Variants in ANO2 observed in about 807,000 individuals in gnomAD.
ANO2 encodes anoctamin 2.
ANO2 carries 101 observed loss-of-function variants against 124.2 expected under a neutral mutation model. The observed-to-expected ratio is 0.81, with a 90% CI of 0.69 to 0.96. The LOEUF (loss-of-function observed/expected upper bound fraction) is 0.96. ANO2 is among the 40% of genes least tolerant of loss of function. ANO2 has a pLI of 0.00. For synonymous variants in ANO2, 486 were observed against 482.5 expected (o/e 1.01, Z -0.09); for missense variants, 1,293 against 1,274.5 (o/e 1.01, Z -0.22).
At chr12:5,852,625 GT>G (rs985161844) in intron 4 of ANO2, among the ~76,000 whole-genome samples, 5 of 152,108 alleles carry the variant, frequency 3.3e-5, no homozygotes, top group Admixed American at 6.5e-5. Flanking sequence ...TGAAAATGGT[GT>G]TGGCCAACAA....
chr12:5,682,942 C>A (rs1221131803), intron 14 of ANO2, among the ~76,000 whole-genome samples: 1 of 152,168 alleles, frequency 6.6e-6, no homozygotes, highest in Non-Finnish European at 1.5e-5. Context: ...TTTCCACACT[C>A]AAGAGAAAGC....
At chr12:5,895,907 G>A (rs984518551) in intron 3 of ANO2, among the ~76,000 whole-genome samples, 6 of 152,016 alleles carry the variant, frequency 3.9e-5, no homozygotes, top group Admixed American at 3.3e-4. Flanking sequence ...ACCAATGAGC[G>A]AATAAAGAAA....
intron 10 of ANO2, among the ~76,000 whole-genome samples, chr12:5,752,047 TG>T: frequency 6.6e-6 from 1 of 152,196 alleles, no homozygotes. Flanking sequence ...TTGCAGCAAA[TG>T]GCAGGATTTC....
At chr12:5,784,598 T>C (rs1952490958) in intron 10 of ANO2, among the ~76,000 whole-genome samples, 1 of 152,172 alleles carries the variant, frequency 6.6e-6, no homozygotes, top group South Asian at 2.1e-4. Flanking sequence ...GGACTCTGCC[T>C]CAAAGCAAAA....
intron 3 of ANO2, among the ~76,000 whole-genome samples, chr12:5,877,478 T>C (rs1938187949): frequency 6.6e-6 from 1 of 152,188 alleles, no homozygotes; most frequent in South Asian, 2.1e-4. Context: ...GGTTGAGCAT[T>C]TCATGAAGAG....
intron 23 of ANO2, among the ~76,000 whole-genome samples, chr12:5,570,439 A>G (rs1193767282): frequency 1.3e-5 from 2 of 149,582 alleles, no homozygotes; most frequent in Non-Finnish European, 3.0e-5. Context: ...AATAAATGAC[A>G]TGTCATTAAA....
intron 14 of ANO2, among the ~76,000 whole-genome samples, chr12:5,660,752 T>C (rs1350365490): frequency 6.6e-6 from 1 of 152,174 alleles, no homozygotes; most frequent in Non-Finnish European, 1.5e-5. Context: ...TTCATTTGCA[T>C]GGATGACTCA....
At chr12:5,659,241 C>T (rs1947326268) in intron 14 of ANO2, among the ~76,000 whole-genome samples, 1 of 152,180 alleles carries the variant, frequency 6.6e-6, no homozygotes, top group Admixed American at 6.5e-5. Context: ...ATACTTCCTC[C>T]TCCAGGAAGC....
intron 10 of ANO2, among the ~76,000 whole-genome samples, chr12:5,771,240 T>C (rs1447505243): frequency 1.3e-5 from 2 of 152,202 alleles, no homozygotes; most frequent in African/African-American, 2.4e-5. Context: ...TTATAAAGCC[T>C]ATCCCTGTTC....
intron 3 of ANO2, among the ~76,000 whole-genome samples, chr12:5,877,232 C>T (rs1194449429): frequency 6.6e-6 from 1 of 152,086 alleles, no homozygotes; most frequent in Non-Finnish European, 1.5e-5. Context: ...CACAGAGACA[C>T]ACAGAGAGAA....
intron 14 of ANO2, among the ~76,000 whole-genome samples, chr12:5,682,815 C>T (rs1220257734): frequency 6.6e-6 from 1 of 152,202 alleles, no homozygotes; most frequent in Non-Finnish European, 1.5e-5. Flanking sequence ...CTTTAAGGAG[C>T]TAACCATCTA....
intron 10 of ANO2, among the ~76,000 whole-genome samples, chr12:5,776,789 A>G (rs938033718): frequency 1.1e-4 from 16 of 152,208 alleles, no homozygotes; most frequent in African/African-American, 3.4e-4. Context: ...TCTCATTGGA[A>G]TCTACATGTA....
Position 5,636,550 on chromosome 12 carries a change from T to C in ANO2, c.1621-1203A>G, listed in dbSNP as rs1023772809. ...GCTATGAAGGACTAAATAGAAAACG[T>C]AGGGAGAGAAAACAGCAGGTGGAAG... On this transcript the variant is annotated intron_variant, in intron 15 of 24. Transcript: ENST00000682330. The surrounding 1 kb of genome is among the most constrained non-coding windows in gnomAD (Gnocchi z 4.6). 1.4e-5 allele frequency among the ~76,000 whole-genome samples: 2 copies of C among 147,538 alleles called. No individual in the cohort carries two copies. Among genetic ancestry groups the C allele is most frequent in the Admixed American group, 6.8e-5 (1 of 14,710 alleles).
chr12:5,808,964 G>A (rs1953294557), intron 7 of ANO2, among the ~76,000 whole-genome samples: 1 of 152,212 alleles, frequency 6.6e-6, no homozygotes, highest in South Asian at 2.1e-4. Context: ...GCTGCCAGGT[G>A]TGCCCAGTAG....
At chr12:5,607,328 T>G (rs1944270469) in intron 19 of ANO2, among the ~76,000 whole-genome samples, 1 of 152,182 alleles carries the variant, frequency 6.6e-6, no homozygotes, top group South Asian at 2.1e-4. Flanking sequence ...CCAAGAATGG[T>G]TCTTTTTTCC....
chr12:5,860,141 C>T (rs1289767478), intron 3 of ANO2, among the ~76,000 whole-genome samples: 3 of 152,130 alleles, frequency 2.0e-5, no homozygotes, highest in Non-Finnish European at 4.4e-5. Flanking sequence ...GCTCAAGCCT[C>T]CTCACATTCT....
At chr12:5,910,862 C>A (rs1941004163) in intron 3 of ANO2, among the ~76,000 whole-genome samples, 1 of 152,128 alleles carries the variant, frequency 6.6e-6, no homozygotes, top group Admixed American at 6.5e-5. Flanking sequence ...GCCTTAAAGA[C>A]TCTGTCTACC....
chr12:5,846,188 T>C (rs1954680751), intron 4 of ANO2, among the ~76,000 whole-genome samples: 1 of 152,196 alleles, frequency 6.6e-6, no homozygotes, highest in Non-Finnish European at 1.5e-5. Context: ...AGGAAAATAA[T>C]TCTTGAGTGG....
At chr12:5,865,406 C>T (rs1186927365) in intron 3 of ANO2, among the ~76,000 whole-genome samples, 2 of 151,652 alleles carry the variant, frequency 1.3e-5, no homozygotes, top group African/African-American at 4.9e-5. Flanking sequence ...TGCATTCACA[C>T]CATCATGAAT....
Sources: allele counts gnomAD v4.1 joint callset (sites outside exome capture counted in the v4.1 genomes callset), GRCh38; gene constraint gnomAD v4.1.1; non-coding constraint Gnocchi (gnomAD v3.1); transcripts MANE v1.5; gene names NCBI Gene and HGNC (gene_info 2026-07-23, HGNC 2026-07-21).